The following ORC4 variants were observed in gnomAD, a reference collection of about 807,000 sequenced individuals.
ORC4 encodes origin recognition complex, subunit 4 homolog.
A neutral mutation model predicts 63.9 loss-of-function variants in ORC4; 55 were observed. The observed-to-expected ratio is 0.86, with a 90% CI of 0.69 to 1.08. ORC4 has a LOEUF of 1.08. Ranked by LOEUF, ORC4 falls within the 50% of genes least tolerant of loss-of-function variation. ORC4 has a pLI of 0.00. For missense variants in ORC4, 511 were observed against 504.4 expected (o/e 1.01, Z -0.13); for synonymous variants, 150 against 168.5 (o/e 0.89, Z 0.85).
At chr2:147,971,418 T>C (rs1242328804) in intron 4 of ORC4, among the ~76,000 whole-genome samples, 18 of 151,452 alleles carry the variant, frequency 1.2e-4, no homozygotes. Flanking sequence ...TCCTAAAACC[T>C]ATCAATAAGA....
chr2:147,943,284 T>A, intron 10 of ORC4, 152 bp downstream of exon 10: 1 of 650,030 alleles, frequency 1.5e-6, no homozygotes, highest in Non-Finnish European at 2.8e-6. Flanking sequence ...GGCACAGTGG[T>A]TGATGCTTGT....
At chr2:147,940,552 T>G (rs1688310746) in intron 10 of ORC4, among the ~76,000 whole-genome samples, 1 of 151,498 alleles carries the variant, frequency 6.6e-6, no homozygotes, top group Non-Finnish European at 1.5e-5. Flanking sequence ...AATCAACGAG[T>G]GGATAAAGAA....
At chr2:147,991,337 C>T (rs1691592965) in intron 1 of ORC4, among the ~76,000 whole-genome samples, 1 of 152,140 alleles carries the variant, frequency 6.6e-6, no homozygotes, top group Admixed American at 6.5e-5. Flanking sequence ...GCGTGAGCCA[C>T]TGCACCCCAT....
chr2:148,017,061 G>A (rs1291520329), intron 1 of ORC4, among the ~76,000 whole-genome samples: 1 of 152,138 alleles, frequency 6.6e-6, no homozygotes, highest in Non-Finnish European at 1.5e-5. Flanking sequence ...TAAAGTAAAA[G>A]TTAAAAGATT....
rs776051243 is a variant in ORC4 at position 147,943,541 on chromosome 2, A to AT, written c.763-20_763-19insA. 25 of 1,489,040 alleles carry AT rather than the reference A, an allele frequency of 1.7e-5. No homozygotes were observed. Among genetic ancestry groups the AT allele is most frequent in the Non-Finnish European group, 2.1e-5 (22 of 1,071,234 alleles). The allele number at this position is 1,489,040 out of a possible 1,614,324, so 92.2% of individuals were successfully genotyped here. On this transcript the variant is annotated intron_variant, in intron 9 of 13. Coordinates refer to ENST00000392857, the MANE Select transcript of ORC4 (RefSeq NM_181741.4). ...AGAGATACTAAAAGGAAAAAAAAAAAAAAAGCCAAAATTGAGGAAAGATGT... is the reference window on the plus strand; with the variant it reads ...AGAGATACTAAAAGGAAAAAAAAAAATAAAAGCCAAAATTGAGGAAAGATGT...
At chr2:147,951,764 A>G (rs1688971419) in intron 8 of ORC4, 1 of 152,478 alleles carries the variant, frequency 6.6e-6, no homozygotes, top group Non-Finnish European at 1.5e-5. Flanking sequence ...AGTTAATACT[A>G]CATGCGTGTA....
intron 4 of ORC4, among the ~76,000 whole-genome samples, chr2:147,971,661 T>C (rs1370226346): frequency 6.6e-6 from 1 of 152,004 alleles, no homozygotes; most frequent in Non-Finnish European, 1.5e-5. Context: ...TTGTGAAAAC[T>C]ACCCAAAATA....
At position 147,952,190 on chromosome 2, in the gene ORC4, G is replaced by A. The variant is rs188348425; in HGVS notation, c.588+183C>T. Among the ~76,000 whole-genome samples the A allele has an allele frequency of 2.6e-5, 4 of 152,088 alleles. No homozygotes were observed. In the East Asian group the frequency reaches 7.7e-4, roughly 29 times the overall value. On this transcript the variant is annotated intron_variant, in intron 8 of 13. Transcript: ENST00000392857. ...GGGAGGAGGGAGGTATTCATTAATG[G>A]GCTAAGGTAACTACTAAACTGTTTT...
At chr2:148,011,389 T>C (rs987724198) in intron 1 of ORC4, among the ~76,000 whole-genome samples, 7 of 152,168 alleles carry the variant, frequency 4.6e-5, no homozygotes, top group Non-Finnish European at 1.0e-4. Context: ...GTCATTTCAA[T>C]AGATGCCAAA....
intron 1 of ORC4, among the ~76,000 whole-genome samples, chr2:147,981,067 G>A (rs1450662920): frequency 1.3e-5 from 2 of 152,190 alleles, no homozygotes; most frequent in Non-Finnish European, 2.9e-5. Context: ...GTCATTTGCA[G>A]CAACATAGAT....
intron 1 of ORC4, chr2:147,982,015 T>A (rs918004784): frequency 1.3e-5 from 2 of 152,170 alleles, no homozygotes; most frequent in Non-Finnish European, 2.9e-5. Context: ...CAAATCTGTG[T>A]CCTCCTTAAT....
intron 9 of ORC4, among the ~76,000 whole-genome samples, chr2:147,946,931 A>G (rs556884200): frequency 1.4e-4 from 22 of 152,068 alleles, no homozygotes; most frequent in Non-Finnish European, 2.5e-4. Flanking sequence ...ATTCTTTTGC[A>G]CTAATTACAT....
intron 10 of ORC4, among the ~76,000 whole-genome samples, chr2:147,940,748 T>C (rs1325650191): frequency 1.3e-5 from 2 of 152,088 alleles, no homozygotes; most frequent in Non-Finnish European, 2.9e-5. Flanking sequence ...CTAAGTGAAG[T>C]AACTCAGGAA....
chr2:147,991,307 A>T (rs774432347), intron 1 of ORC4, among the ~76,000 whole-genome samples: 14 of 151,908 alleles, frequency 9.2e-5, no homozygotes, highest in Non-Finnish European at 1.6e-4. Flanking sequence ...CAGCCTCCCA[A>T]AGTGCTGCTG....
At chr2:148,021,425 A>G (rs1217172916), upstream of ORC4, 3 of 542,814 alleles carry the variant, frequency 5.5e-6, no homozygotes, top group African/African-American at 1.9e-5. Flanking sequence ...GAAAGAAACC[A>G]AAAGCCTCTT....
chr2:147,988,010 G>C (rs561165805), intron 1 of ORC4, among the ~76,000 whole-genome samples: 110 of 147,188 alleles, frequency 7.5e-4, no homozygotes, highest in African/African-American at 2.5e-3. Context: ...CCAAGATAGA[G>C]CCACTGCACT....
chr2:147,950,764 C>CAAAAA (rs70992182), intron 8 of ORC4, among the ~76,000 whole-genome samples: 2 of 111,628 alleles, frequency 1.8e-5, no homozygotes, highest in African/African-American at 3.6e-5. Flanking sequence ...GACTCCATCT[C>CAAAAA]AAAAAAAAAA....
chr2:147,987,281 CACAT>C (rs1476590931), intron 1 of ORC4, among the ~76,000 whole-genome samples: 4 of 150,608 alleles, frequency 2.7e-5, no homozygotes, highest in Non-Finnish European at 4.4e-5. Context: ...CCTACACACA[CACAT>C]ACTTTTTCAA....
In ORC4 at chr2:147,935,243, T is replaced by A. The variant is rs1410933118; in HGVS notation, c.*267A>T. The A allele has an allele frequency of 4.4e-6, 2 of 456,186 alleles. No individual in the cohort carries two copies. The highest frequency in any genetic ancestry group is 8.6e-5 in the East Asian group (2 of 23,244). The allele number at this position is 456,186 out of a possible 1,614,324, so 28.3% of individuals were successfully genotyped here. ...AATAGACCATTATATATATAAGTGT[T>A]AAAAAAGCACATGGTCTAGTCCCTA... is the stretch of plus-strand genomic sequence containing the variant. On this transcript the variant is annotated 3_prime_UTR_variant, in exon 14 of 14. Coordinates refer to ENST00000392857, the MANE Select transcript of ORC4 (RefSeq NM_181741.4).
Sources: allele counts gnomAD v4.1 joint callset (sites outside exome capture counted in the v4.1 genomes callset), GRCh38; gene constraint gnomAD v4.1.1; transcripts MANE v1.5; gene names NCBI Gene and HGNC (gene_info 2026-07-23, HGNC 2026-07-21).